CCDC7: variants seen among roughly 807,000 people sequenced by gnomAD.
The protein encoded by CCDC7 is coiled-coil domain containing 7.
A neutral mutation model predicts 196.9 loss-of-function variants in CCDC7; 183 were observed. The observed-to-expected ratio is 0.93, with a 90% CI of 0.82 to 1.05. The LOEUF is 1.05. Ranked by LOEUF, CCDC7 falls within the 50% of genes least tolerant of loss-of-function variation. The probability of loss-of-function intolerance (pLI) is 0.00; values close to 1 mark genes in which losing one functional copy is unlikely to be tolerated. For missense variants in CCDC7, 1,540 were observed against 1,482.2 expected, an observed-to-expected ratio of 1.04 and a Z score of -0.64; for synonymous variants, 525 against 484.6, an observed-to-expected ratio of 1.08 and a Z score of -1.10.
At chr10:32,828,418 G>T (rs2091477599) in intron 32 of CCDC7, among the ~76,000 whole-genome samples, 1 of 132,524 alleles carries the variant, frequency 7.5e-6, no homozygotes, top group Non-Finnish European at 1.7e-5. Flanking sequence ...AGGAGAAGGA[G>T]AAGAAGAAGA....
chr10:32,789,179 TGG>T (rs1376891802), intron 29 of CCDC7, among the ~76,000 whole-genome samples: 2 of 146,536 alleles, frequency 1.4e-5, no homozygotes, highest in Admixed American at 7.1e-5. Flanking sequence ...TACCAATGCA[TGG>T]GCACAAGAAT....
intron 15 of CCDC7, among the ~76,000 whole-genome samples, chr10:32,570,536 T>G (rs1426574661): frequency 1.3e-5 from 2 of 152,200 alleles, no homozygotes; most frequent in African/African-American, 4.8e-5. Flanking sequence ...AAGTTCAAGG[T>G]CAGTCTTCGT....
intron 25 of CCDC7, among the ~76,000 whole-genome samples, chr10:32,725,812 A>T (rs1380406935): frequency 3.4e-5 from 5 of 149,242 alleles, no homozygotes; most frequent in African/African-American, 1.2e-4. Flanking sequence ...TTCATGAAGG[A>T]TCTGCCCCCA....
chr10:32,834,733 T>C (rs1411615767), intron 32 of CCDC7, 82 bp from the exon 34 acceptor site: 9 of 576,356 alleles, frequency 1.6e-5, no homozygotes, highest in African/African-American at 1.2e-4. Context: ...TACATACAAA[T>C]ATACTATCAC....
intron 41 of CCDC7, among the ~76,000 whole-genome samples, chr10:32,873,194 T>A (rs2094491573): frequency 6.6e-6 from 1 of 152,162 alleles, no homozygotes; most frequent in African/African-American, 2.4e-5. Context: ...ATAGATTTGG[T>A]CTTTTCACAT....
intron 21 of CCDC7, among the ~76,000 whole-genome samples, chr10:32,674,343 C>T (rs1404597979): frequency 6.6e-6 from 1 of 151,736 alleles, no homozygotes; most frequent in Non-Finnish European, 1.5e-5. Flanking sequence ...CTTCCTTGAT[C>T]CAGTGGTTGT....
At chr10:32,481,059 C>G (rs976881091) in intron 8 of CCDC7, among the ~76,000 whole-genome samples, 1 of 151,966 alleles carries the variant, frequency 6.6e-6, no homozygotes, top group African/African-American at 2.4e-5. Context: ...TTGTTATATT[C>G]TCTTGAGCTT....
In CCDC7 at chr10:32,597,662, C is replaced by T. The variant is rs568587091; in HGVS notation, c.1801+13358C>T. Among the ~76,000 whole-genome samples, 5 of 152,270 alleles carry T rather than the reference C, an allele frequency of 3.3e-5. 1 individual carries two copies. The South Asian group carries it at 6.2e-4, about 19-fold the overall frequency. On this transcript the variant is annotated intron_variant, in intron 18 of 41. Coordinates refer to ENST00000639629, the Ensembl canonical transcript of CCDC7. ...CTCCCCATCTTTGTGATTTTATCTA[C>T]GTTTGGTCTTTGATGATGCTGACGC...
At position 32,827,732 on chromosome 10, in the gene CCDC7, A is replaced by G. The variant is rs967205978; in HGVS notation, c.3268+3128A>G. Among the ~76,000 whole-genome samples the G allele has an allele frequency of 3.9e-5, 6 of 152,318 alleles. No individual in the cohort carries two copies. In the East Asian group the frequency reaches 5.8e-4, roughly 15 times the overall value. On this transcript the variant is annotated intron_variant, in intron 32 of 41. Transcript: ENST00000639629. ...TGGGTGCAGCAAACCAGCATGGCAC[A>G]TGTATACCTATGTAACAAACCTGCA...
chr10:32,808,027 A>T (rs1394368423), intron 30 of CCDC7, among the ~76,000 whole-genome samples: 1 of 152,108 alleles, frequency 6.6e-6, no homozygotes, highest in African/African-American at 2.4e-5. Context: ...ACTGCCACTG[A>T]GAGCAACTCA....
intron 33 of CCDC7, among the ~76,000 whole-genome samples, chr10:32,837,863 G>T (rs1046259743): frequency 6.8e-6 from 1 of 148,036 alleles, no homozygotes; most frequent in African/African-American, 2.5e-5. Flanking sequence ...CTCATAGGTG[G>T]GAATTGAACA....
chr10:32,503,568 C>T (rs2044408395), intron 9 of CCDC7, among the ~76,000 whole-genome samples: 2 of 152,116 alleles, frequency 1.3e-5, no homozygotes, highest in African/African-American at 2.4e-5. Flanking sequence ...CATCTATATT[C>T]ATCAGGGATA....
At chr10:32,845,649 C>G (rs2093243149) in intron 35 of CCDC7, 23 bp downstream of exon 36, 1 of 1,562,510 alleles carries the variant, frequency 6.4e-7, no homozygotes, top group Non-Finnish European at 8.8e-7. Context: ...AATTTCAAGA[C>G]TAATATTTAT....
intron 18 of CCDC7, among the ~76,000 whole-genome samples, chr10:32,627,452 C>T (rs1035767746): frequency 6.6e-6 from 1 of 151,782 alleles, no homozygotes; most frequent in African/African-American, 2.4e-5. Flanking sequence ...ATATTGTTAG[C>T]AAACAATGAT....
At chr10:32,448,762 G>A (rs1564599186), upstream of CCDC7, among the ~76,000 whole-genome samples, 2 of 151,842 alleles carry the variant, frequency 1.3e-5, no homozygotes, top group Non-Finnish European at 1.5e-5. Context: ...CATGTTTATT[G>A]TTATTAACAA....
intron 11 of CCDC7, among the ~76,000 whole-genome samples, chr10:32,532,631 T>C (rs1488937271): frequency 6.6e-6 from 1 of 152,200 alleles, no homozygotes; most frequent in Non-Finnish European, 1.5e-5. Flanking sequence ...CTTTAGTTAA[T>C]GTTTGCTTTA....
intron 20 of CCDC7, among the ~76,000 whole-genome samples, chr10:32,646,410 TA>T (rs764132789): frequency 3.9e-4 from 60 of 152,234 alleles, no homozygotes; most frequent in Non-Finnish European, 5.6e-4. Context: ...TGATTTCAAT[TA>T]AAAAAATTGT....
At chr10:32,520,348 G>T (rs1167451145) in intron 11 of CCDC7, among the ~76,000 whole-genome samples, 4 of 152,032 alleles carry the variant, frequency 2.6e-5, no homozygotes, top group Non-Finnish European at 5.9e-5. Flanking sequence ...GTGTATGAGG[G>T]TTCCCTTTTC....
rs766962107 is a variant in CCDC7, at chr10:32,617,883, C to T, written c.1802-16371C>T. On this transcript the variant is annotated intron_variant, in intron 18 of 41. Transcript: ENST00000639629. ...TCTAGTGCTATGACTGTGATGTTGA[C>T]GTCCTCCTCTATTATTGTATTGCTA... Among the ~76,000 whole-genome samples, 110 of 151,556 alleles carry T rather than the reference C, an allele frequency of 7.3e-4. 1 individual carries two copies. The Middle Eastern group carries it at 0.014, about 19-fold the overall frequency.
Sources: gnomAD v4.1 joint callset for allele counts (sites outside exome capture counted in the v4.1 genomes callset) on GRCh38, gnomAD v4.1.1 for gene constraint, MANE v1.5 for transcripts, NCBI Gene and HGNC (gene_info 2026-07-23, HGNC 2026-07-21) for gene names.